BLNK: variants seen among roughly 807,000 people sequenced by gnomAD.
BLNK encodes B cell linker, also known as B-cell linker protein.
Under a neutral mutation model 73.5 loss-of-function variants are expected in BLNK, and 29 were observed. That is an observed-to-expected ratio of 0.39 (90% CI 0.29 to 0.54). The LOEUF is 0.54. Ranked by LOEUF, BLNK falls within the 20% of genes least tolerant of loss-of-function variation. BLNK has a pLI of 0.61. For missense variants in BLNK, 460 were observed against 562.8 expected, an observed-to-expected ratio of 0.82 and a Z score of 1.85; for synonymous variants, 176 against 200.8, an observed-to-expected ratio of 0.88 and a Z score of 1.04.
intron 3 of BLNK, among the ~76,000 whole-genome samples, chr10:96,231,723 T>G (rs1842505464): frequency 2.0e-5 from 1 of 50,026 alleles, no homozygotes; most frequent in Admixed American, 2.6e-4. Context: ...TAAGACCCTG[T>G]CTCAAAAAAA....
chr10:96,264,296 G>GT (rs1843890382), intron 1 of BLNK, among the ~76,000 whole-genome samples: 2 of 152,154 alleles, frequency 1.3e-5, no homozygotes, highest in Non-Finnish European at 2.9e-5. Context: ...GGCAGTAGCG[G>GT]TACCTCTCTG....
intron 1 of BLNK, among the ~76,000 whole-genome samples, chr10:96,255,658 C>G (rs113965825): frequency 7.7e-4 from 117 of 152,316 alleles, no homozygotes; most frequent in African/African-American, 2.7e-3. Flanking sequence ...TCATCCCCCG[C>G]ATCTTAACCT....
chr10:96,225,935 G>A (rs761436490), intron 5 of BLNK, among the ~76,000 whole-genome samples: 92 of 152,256 alleles, frequency 6.0e-4, no homozygotes, highest in Non-Finnish European at 1.1e-3. Flanking sequence ...GTGAGCCACC[G>A]CGCTTGGCCA....
chr10:96,213,086 A>G (rs1021114401), intron 8 of BLNK, among the ~76,000 whole-genome samples: 5 of 152,228 alleles, frequency 3.3e-5, no homozygotes, highest in Non-Finnish European at 7.3e-5. Flanking sequence ...CCAGCTGGCT[A>G]AAGCCCTGTT....
intron 13 of BLNK, among the ~76,000 whole-genome samples, chr10:96,201,714 G>A (rs1285309640): frequency 1.7e-5 from 2 of 116,514 alleles, no homozygotes; most frequent in Non-Finnish European, 3.9e-5. Flanking sequence ...GTGGAAACAT[G>A]TGAAATACGA....
At chr10:96,253,574 G>GTATT (rs782572686) in intron 1 of BLNK, among the ~76,000 whole-genome samples, 1 of 152,180 alleles carries the variant, frequency 6.6e-6, no homozygotes, top group Non-Finnish European at 1.5e-5. Flanking sequence ...AAGATTGCCT[G>GTATT]TATTTATTTA....
rs72637512 is a variant in BLNK at position 96,238,470 on chromosome 10, C to T, written c.163+4265G>A. Among the ~76,000 whole-genome samples, 4,377 of 152,248 alleles carry T rather than the reference C, an allele frequency of 0.029. 421 individuals are homozygous for T. The East Asian group carries it at 0.38, about 13-fold the overall frequency. On this transcript the variant is annotated intron_variant, in intron 3 of 16. Coordinates refer to ENST00000224337, the MANE Select transcript of BLNK (RefSeq NM_013314.4). ...GTGCTCCACAGGGCACGTGATTGGCCTCCCAGGCTCAGGAGGTCTGGTGGG... is the reference window on the plus strand; with the variant it reads ...GTGCTCCACAGGGCACGTGATTGGCTTCCCAGGCTCAGGAGGTCTGGTGGG...
intron 6 of BLNK, among the ~76,000 whole-genome samples, chr10:96,222,703 A>G (rs1414534877): frequency 6.6e-6 from 1 of 152,164 alleles, no homozygotes; most frequent in African/African-American, 2.4e-5. Flanking sequence ...GCTCCTCCAC[A>G]GGTTGTGCGG....
chr10:96,222,961 A>G (rs956488748), intron 6 of BLNK, among the ~76,000 whole-genome samples: 1 of 152,176 alleles, frequency 6.6e-6, no homozygotes, highest in Non-Finnish European at 1.5e-5. Flanking sequence ...CTCTAAAATA[A>G]TAATTGGTTA....
Position 96,223,958 on chromosome 10 carries a change from G to A in BLNK, c.393C>T (p.Pro131=). 1.2e-6 allele frequency: 2 copies of A among 1,613,228 alleles called. No individual in the cohort carries two copies. Among genetic ancestry groups the A allele is most frequent in the Non-Finnish European group, 1.7e-6 (2 of 1,180,026 alleles). ...DNRSSQRHSP[P]FSKTLPSKPS... ...GCTTACTGGGAAGTGTCTTGCTGAA[G>A]GGTGGGGAATGCCTCTGGCTTGATC... The change falls in exon 6 of 17, where the codon CCC becomes CCT. Residue 131 remains proline, a synonymous_variant. Coordinates refer to ENST00000224337, the MANE Select transcript of BLNK (RefSeq NM_013314.4).
Position 96,189,958 on chromosome 10 carries a change from G to A in BLNK, c.*2015C>T. 2 of 897,028 alleles carry A rather than the reference G, an allele frequency of 2.2e-6. No individual in the cohort carries two copies. Among genetic ancestry groups the A allele is most frequent in the Non-Finnish European group, 3.7e-6 (2 of 540,878 alleles). The allele number at this position is 897,028 out of a possible 1,614,324, so 55.6% of individuals were successfully genotyped here. ...GTGGTGTTATTTCAAAGACCCCAAG[G>A]GAAACTGTTGGCTGTACAGACATTT... is the stretch of plus-strand genomic sequence containing the variant. On this transcript the variant is annotated 3_prime_UTR_variant, in exon 17 of 17. Coordinates refer to ENST00000224337, the MANE Select transcript of BLNK (RefSeq NM_013314.4).
At chr10:96,223,169 G>A (rs368414493) in intron 6 of BLNK, among the ~76,000 whole-genome samples, 10 of 152,248 alleles carry the variant, frequency 6.6e-5, no homozygotes, top group African/African-American at 2.2e-4. Flanking sequence ...TCAAGGGATC[G>A]TGCGTACAAC....
intron 1 of BLNK, among the ~76,000 whole-genome samples, chr10:96,264,960 C>T (rs1396238757): frequency 6.6e-6 from 1 of 151,608 alleles, no homozygotes; most frequent in East Asian, 1.9e-4. Flanking sequence ...AGAATTTGGC[C>T]TTATTATTAT....
intron 16 of BLNK, among the ~76,000 whole-genome samples, chr10:96,192,628 G>A (rs2083357364): frequency 6.6e-6 from 1 of 152,118 alleles, no homozygotes; most frequent in Non-Finnish European, 1.5e-5. Flanking sequence ...TAAGCTTAGA[G>A]TTAACTTAGT....
At chr10:96,266,510 T>G (rs1554914330) in intron 1 of BLNK, among the ~76,000 whole-genome samples, 1 of 152,200 alleles carries the variant, frequency 6.6e-6, no homozygotes, top group Non-Finnish European at 1.5e-5. Context: ...GACTCTGAAG[T>G]CCACTCGCAC....
intron 1 of BLNK, among the ~76,000 whole-genome samples, chr10:96,248,697 C>G (rs1403914048): frequency 1.3e-5 from 2 of 152,276 alleles, no homozygotes; most frequent in Non-Finnish European, 2.9e-5. Context: ...CTGCCCTCCC[C>G]ACAACCATAA....
At chr10:96,221,170 A>T (rs1341791324) in intron 6 of BLNK, among the ~76,000 whole-genome samples, 2 of 152,152 alleles carry the variant, frequency 1.3e-5, no homozygotes, top group Non-Finnish European at 2.9e-5. Flanking sequence ...CTGATGATAG[A>T]CTTCATAGGG....
At chr10:96,220,903 T>C (rs147925315) in intron 6 of BLNK, among the ~76,000 whole-genome samples, 186 of 152,284 alleles carry the variant, frequency 1.2e-3, no homozygotes, top group Non-Finnish European at 2.1e-3. Context: ...ATTTGAAAAA[T>C]AGGAGTAGCG....
chr10:96,225,826 A>G (rs1385911749), intron 5 of BLNK, among the ~76,000 whole-genome samples: 3 of 151,818 alleles, frequency 2.0e-5, no homozygotes, highest in East Asian at 1.9e-4. Context: ...TGTATTTTTA[A>G]TAGAGACGGG....
Sources: gnomAD v4.1 joint callset for allele counts (sites outside exome capture counted in the v4.1 genomes callset) on GRCh38, gnomAD v4.1.1 for gene constraint, MANE v1.5 for transcripts, NCBI Gene and HGNC (gene_info 2026-07-23, HGNC 2026-07-21) for gene names.